Variants in SIPA1L1 observed in about 807,000 individuals in gnomAD.
SIPA1L1 encodes signal induced proliferation associated 1 like 1.
SIPA1L1 carries 26 observed loss-of-function variants against 162.7 expected under a neutral mutation model. The observed-to-expected ratio is 0.16, with a 90% CI of 0.12 to 0.22. The LOEUF (loss-of-function observed/expected upper bound fraction) is 0.22. Ranked by LOEUF, SIPA1L1 falls within the 10% of genes least tolerant of loss-of-function variation. The probability of loss-of-function intolerance (pLI) is 1.00; values close to 1 mark genes in which losing one functional copy is unlikely to be tolerated. For synonymous variants in SIPA1L1, 829 were observed against 837.4 expected, an observed-to-expected ratio of 0.99 and a Z score of 0.17; for missense variants, 1,874 against 2,241.0, an observed-to-expected ratio of 0.84 and a Z score of 3.31.
intron 4 of SIPA1L1, among the ~76,000 whole-genome samples, chr14:71,543,723 C>G (rs989633684): frequency 7.3e-6 from 1 of 137,182 alleles, no homozygotes; most frequent in Non-Finnish European, 1.6e-5. Flanking sequence ...TTTGCAGTGT[C>G]TTTTGCAAGT....
At chr14:71,384,804 G>A (rs918461352) in intron 2 of SIPA1L1, among the ~76,000 whole-genome samples, 1 of 152,190 alleles carries the variant, frequency 6.6e-6, no homozygotes, top group Non-Finnish European at 1.5e-5. Context: ...CATGTCTTCT[G>A]TAGTCAGCCT....
At position 71,529,352 on chromosome 14, in the gene SIPA1L1, G is replaced by A. The variant is rs1271098502; in HGVS notation, c.-321G>A. ...TGTGGACGTTGTCTAAATTTCGGTA[G>A]CCATGGCACAAGAATATAGTAAGTA... is the stretch of plus-strand genomic sequence containing the variant. On this transcript the variant is annotated 5_prime_UTR_variant, in exon 4 of 24. The change abolishes the stop of an existing upstream ORF in the 5' untranslated region. Coordinates refer to ENST00000381232, the MANE Select transcript of SIPA1L1 (RefSeq NM_001386936.1). The A allele has an allele frequency of 1.6e-5, 11 of 682,410 alleles. No homozygotes were observed. Among genetic ancestry groups the A allele is most frequent in the East Asian group, 5.4e-5 (2 of 37,090 alleles). The allele number at this position is 682,410 out of a possible 1,614,324, so 42.3% of individuals were successfully genotyped here.
chr14:71,504,602 G>T (rs1229482267), intron 2 of SIPA1L1, among the ~76,000 whole-genome samples: 1 of 152,114 alleles, frequency 6.6e-6, no homozygotes, highest in African/African-American at 2.4e-5. Context: ...AAAATGCTCT[G>T]TGAGGAATTG....
At chr14:71,498,819 G>A (rs2049985224) in intron 2 of SIPA1L1, among the ~76,000 whole-genome samples, 1 of 152,178 alleles carries the variant, frequency 6.6e-6, no homozygotes, top group Admixed American at 6.6e-5. Context: ...AGGTATTACT[G>A]TTTGTGACTA....
intron 2 of SIPA1L1, among the ~76,000 whole-genome samples, chr14:71,493,995 G>T (rs1324893331): frequency 6.6e-6 from 1 of 152,192 alleles, no homozygotes; most frequent in Non-Finnish European, 1.5e-5. Context: ...TTTTAAACAT[G>T]AGTTCTCTGA....
intron 2 of SIPA1L1, among the ~76,000 whole-genome samples, chr14:71,354,235 A>G (rs2037005305): frequency 6.6e-6 from 1 of 152,070 alleles, no homozygotes; most frequent in South Asian, 2.1e-4. Flanking sequence ...CGAAAAATTA[A>G]AGTAGGCCGT....
At chr14:71,407,964 G>T (rs1413587416) in intron 2 of SIPA1L1, among the ~76,000 whole-genome samples, 1 of 152,118 alleles carries the variant, frequency 6.6e-6, no homozygotes, top group Non-Finnish European at 1.5e-5. Flanking sequence ...GGAAAGACTT[G>T]ATTTCCTTTT....
At chr14:71,573,687 A>C in intron 4 of SIPA1L1, 1 of 456,736 alleles carries the variant, frequency 2.2e-6, no homozygotes, top group Non-Finnish European at 4.4e-6. Flanking sequence ...AACAACATGA[A>C]TATTTTCTGG....
At chr14:71,657,263 G>A (rs970825876) in intron 8 of SIPA1L1, among the ~76,000 whole-genome samples, 1 of 149,620 alleles carries the variant, frequency 6.7e-6, no homozygotes, top group Non-Finnish European at 1.5e-5. Context: ...CAGGAGAATC[G>A]CTTGAACCCA....
intron 17 of SIPA1L1, among the ~76,000 whole-genome samples, chr14:71,715,826 T>C (rs2083227813): frequency 6.6e-6 from 1 of 152,254 alleles, no homozygotes; most frequent in Admixed American, 6.5e-5. Flanking sequence ...AGCATCTGGC[T>C]TTGTTTTCTT....
At chr14:71,734,562 A>G (rs1027445643) in intron 21 of SIPA1L1, among the ~76,000 whole-genome samples, 3 of 152,106 alleles carry the variant, frequency 2.0e-5, no homozygotes, top group Non-Finnish European at 4.4e-5. Flanking sequence ...GAGAATTGAA[A>G]ATTGCTATTT....
chr14:71,509,097 C>T (rs1202729284), intron 2 of SIPA1L1, among the ~76,000 whole-genome samples: 1 of 152,276 alleles, frequency 6.6e-6, no homozygotes, highest in Admixed American at 6.5e-5. Flanking sequence ...GAAGGTCCGT[C>T]CTCTTACTTG....
chr14:71,374,775 G>A (rs994497797), intron 2 of SIPA1L1, among the ~76,000 whole-genome samples: 20 of 150,080 alleles, frequency 1.3e-4, no homozygotes, highest in Middle Eastern at 3.4e-3. Context: ...ATAGCCTGTA[G>A]TTTTCAATTG....
At chr14:71,708,525 G>C (rs2082646094) in intron 16 of SIPA1L1, among the ~76,000 whole-genome samples, 1 of 152,000 alleles carries the variant, frequency 6.6e-6, no homozygotes, top group South Asian at 2.1e-4. Context: ...GGGTTTTGCT[G>C]TGTTACCCAG....
chr14:71,591,346 T>C (rs1439948632), intron 5 of SIPA1L1, among the ~76,000 whole-genome samples: 2 of 152,132 alleles, frequency 1.3e-5, no homozygotes, highest in African/African-American at 4.8e-5. Context: ...CTAGTAAATG[T>C]TGGAGCCAGG....
Position 71,466,533 on chromosome 14 carries a change from G to A in SIPA1L1, c.-464-46210G>A, listed in dbSNP as rs115707838. 6.3e-3 allele frequency among the ~76,000 whole-genome samples: 953 copies of A among 150,624 alleles called. 6 individuals carry two copies. Among genetic ancestry groups the A allele is most frequent in the African/African-American group, 0.022 (896 of 40,912 alleles). On this transcript the variant is annotated intron_variant, in intron 2 of 23. Transcript: ENST00000381232. ...AAGAAACTAGGACAGTTCCCAGGCT[G>A]CTCTGTATTTGTGTAGATAAACAAC...
At chr14:71,462,037 A>C (rs1278916078) in intron 2 of SIPA1L1, among the ~76,000 whole-genome samples, 1 of 152,110 alleles carries the variant, frequency 6.6e-6, no homozygotes, top group Non-Finnish European at 1.5e-5. Context: ...CGTATATACC[A>C]CTTCCATTTG....
At chr14:71,530,383 T>C (rs1399491395) in intron 4 of SIPA1L1, among the ~76,000 whole-genome samples, 1 of 142,752 alleles carries the variant, frequency 7.0e-6, no homozygotes, top group African/African-American at 2.6e-5. Context: ...ATCGACCAAC[T>C]TGTGCTGTGA....
chr14:71,588,043 C>A lies in SIPA1L1; in HGVS notation c.171C>A (p.Pro57=). 1.2e-6 allele frequency: 2 copies of A among 1,614,086 alleles called. No homozygotes were observed. The highest frequency in any genetic ancestry group is 1.7e-6 in the Non-Finnish European group (2 of 1,179,984). The change falls in exon 5 of 24, where the codon CCC becomes CCA. Residue 57 remains proline, a synonymous_variant. Transcript: ENST00000381232. The surrounding 1 kb of genome is among the most constrained non-coding windows in gnomAD (Gnocchi z 4.3). The part of the protein sequence containing the change: ...GSSVMAPVGP[P]RSEGSHHITS... The stretch of plus-strand genomic sequence containing the variant: ...CAGTTATGGCTCCTGTAGGACCCCC[C>A]CGAAGTGAAGGTTCTCACCATATAA...
Sources: allele counts gnomAD v4.1 joint callset (sites outside exome capture counted in the v4.1 genomes callset), GRCh38; gene constraint gnomAD v4.1.1; non-coding constraint Gnocchi (gnomAD v3.1); transcripts MANE v1.5; gene names NCBI Gene and HGNC (gene_info 2026-07-23, HGNC 2026-07-21).